HTR2C: variants seen among roughly 807,000 people sequenced by gnomAD.
HTR2C encodes 5-hydroxytryptamine (serotonin) receptor 2C, G protein-coupled.
A neutral mutation model predicts 21.0 loss-of-function variants in HTR2C; 5 were observed. That is an observed-to-expected ratio of 0.24 (90% CI 0.12 to 0.50). The LOEUF (loss-of-function observed/expected upper bound fraction) is 0.50, where lower values mean the gene tolerates loss of function less well. Ranked by LOEUF, HTR2C falls within the 20% of genes least tolerant of loss-of-function variation. The probability of loss-of-function intolerance (pLI) is 0.98; values close to 1 mark genes in which losing one functional copy is unlikely to be tolerated. For missense variants in HTR2C, 271 were observed against 371.2 expected (o/e 0.73, Z 2.22); for synonymous variants, 150 against 145.3 (o/e 1.03, Z -0.23).
intron 2 of HTR2C, among the ~76,000 whole-genome samples, chrX:114,659,842 G>C (rs1041360818): frequency 2.7e-5 from 3 of 111,295 alleles, no homozygotes; most frequent in Non-Finnish European, 5.7e-5. Context: ...TTGATCATTT[G>C]TTTATGATTA....
At chrX:114,641,055 T>C (rs1930094639) in intron 2 of HTR2C, among the ~76,000 whole-genome samples, 1 of 101,426 alleles carries the variant, frequency 9.9e-6, no homozygotes, top group African/African-American at 3.9e-5. Flanking sequence ...TTTCTTTCTT[T>C]TTTTCTTTTC....
chrX:114,654,924 G>C (rs1226953802), intron 2 of HTR2C, among the ~76,000 whole-genome samples: 1 of 109,271 alleles, frequency 9.2e-6, no homozygotes, highest in Non-Finnish European at 1.9e-5. Flanking sequence ...TAAACATTTA[G>C]TATCTAAGTG....
chrX:114,640,864 CTCTT>C lies in HTR2C; in HGVS notation c.-80+27001_-80+27004del, dbSNP rs782605191. Among the ~76,000 whole-genome samples the C allele has an allele frequency of 4.9e-3, 530 of 108,688 alleles. 1 individual carries two copies. Among genetic ancestry groups the C allele is most frequent in the Non-Finnish European group, 7.6e-3 (395 of 52,219 alleles). 94.4% of individuals were successfully genotyped at this position (108,688 alleles called of 115,157 possible). On this transcript the variant is annotated intron_variant, in intron 2 of 5. Transcript: ENST00000276198. ...TTGCGCTGTTTCTCCTTGTTTCGTT[CTCTT>C]TCTTTCTTTCTTTCTTTTCCTTCCT...
At chrX:114,701,904 G>C (rs1476694966) in intron 2 of HTR2C, among the ~76,000 whole-genome samples, 1 of 111,412 alleles carries the variant, frequency 9.0e-6, no homozygotes, top group South Asian at 3.7e-4. Flanking sequence ...CAAGAACTAC[G>C]TGAAGAATGC....
intron 2 of HTR2C, among the ~76,000 whole-genome samples, chrX:114,719,584 A>G (rs1339168275): frequency 9.0e-6 from 1 of 111,615 alleles, no homozygotes; most frequent in Non-Finnish European, 1.9e-5. Flanking sequence ...GTTCATGCAA[A>G]TTTTAACAGC....
In HTR2C at chrX:114,886,321, C is replaced by T. The variant is rs190540363; in HGVS notation, c.551-20268C>T. ...TCTTACTATCTCTTCATTTTGATTA[C>T]ATTTTTAGTCTAATCACATTTAATG... On this transcript the variant is annotated intron_variant, in intron 5 of 5. Transcript: ENST00000276198. Among the ~76,000 whole-genome samples the T allele has an allele frequency of 5.7e-4, 63 of 110,648 alleles. No individual in the cohort carries two copies. The East Asian group carries it at 0.016, about 29-fold the overall frequency.
chrX:114,672,446 C>A lies in HTR2C; in HGVS notation c.-79-54412C>A, dbSNP rs782661737. Reference sequence around the variant, plus strand: ...TAAAATCATATAAATATTTCAATATCACTCCTGGATTAAATAAAATCATAT... The same window carrying A: ...TAAAATCATATAAATATTTCAATATAACTCCTGGATTAAATAAAATCATAT... On this transcript the variant is annotated intron_variant, in intron 2 of 5. Coordinates refer to ENST00000276198, the MANE Select transcript of HTR2C (RefSeq NM_000868.4). Among the ~76,000 whole-genome samples the A allele has an allele frequency of 1.8e-3, 206 of 111,478 alleles. 1 individual carries two copies. The highest frequency in any genetic ancestry group is 3.2e-3 in the Non-Finnish European group (171 of 53,098).
chrX:114,656,417 C>T (rs1262009533), intron 2 of HTR2C, among the ~76,000 whole-genome samples: 2 of 111,055 alleles, frequency 1.8e-5, no homozygotes, highest in African/African-American at 6.5e-5. Context: ...AAGTTGGTTA[C>T]AAATGAATGA....
intron 4 of HTR2C, among the ~76,000 whole-genome samples, chrX:114,847,638 G>T (rs1223916919): frequency 9.1e-6 from 1 of 109,809 alleles, no homozygotes; most frequent in African/African-American, 3.3e-5. Flanking sequence ...CCAGGAGCTG[G>T]TTGATGGGAG....
intron 4 of HTR2C, among the ~76,000 whole-genome samples, chrX:114,760,519 T>G: frequency 9.0e-6 from 1 of 111,273 alleles, no homozygotes; most frequent in Non-Finnish European, 1.9e-5. Context: ...CCACATCTTT[T>G]ATTTTTTTCT....
intron 2 of HTR2C, among the ~76,000 whole-genome samples, chrX:114,684,746 T>A (rs1452369896): frequency 1.8e-5 from 2 of 111,600 alleles, no homozygotes; most frequent in Non-Finnish European, 3.8e-5. Flanking sequence ...AGAATGGTAG[T>A]GGGAGGATTG....
At chrX:114,765,590 G>A (rs1430048577) in intron 4 of HTR2C, among the ~76,000 whole-genome samples, 4 of 110,658 alleles carry the variant, frequency 3.6e-5, no homozygotes, top group African/African-American at 1.3e-4. Context: ...AACATACTAT[G>A]TTCCTGAAAA....
At chrX:114,613,663 A>G (rs1928836764) in intron 1 of HTR2C, among the ~76,000 whole-genome samples, 152 bp from the exon 2 acceptor site, 1 of 111,665 alleles carries the variant, frequency 9.0e-6, no homozygotes, top group Admixed American at 9.5e-5. Flanking sequence ...TTTTAAATTC[A>G]TTTTATATAA....
intron 1 of HTR2C, among the ~76,000 whole-genome samples, chrX:114,604,881 T>C (rs782266875): frequency 1.3e-3 from 142 of 111,325 alleles, no homozygotes; most frequent in African/African-American, 4.5e-3. Context: ...AGGCAAGGAA[T>C]TGCAACTTTT....
intron 2 of HTR2C, among the ~76,000 whole-genome samples, chrX:114,702,740 G>C (rs1377476788): frequency 9.4e-6 from 1 of 106,833 alleles, no homozygotes; most frequent in Non-Finnish European, 1.9e-5. Context: ...TGGACTAAAT[G>C]CTCCAATTAA....
chrX:114,649,172 A>T (rs782331107), intron 2 of HTR2C, among the ~76,000 whole-genome samples: 2 of 112,067 alleles, frequency 1.8e-5, no homozygotes, highest in Non-Finnish European at 3.8e-5. Context: ...TACTAAATCT[A>T]TAGTGTCTAA....
At chrX:114,899,784 A>T (rs782497843) in intron 5 of HTR2C, among the ~76,000 whole-genome samples, 5 of 107,664 alleles carry the variant, frequency 4.6e-5, no homozygotes, top group African/African-American at 1.8e-4. Flanking sequence ...CCTCTCTGTG[A>T]GTGCCGTGGA....
At chrX:114,823,082 G>T (rs1467387923) in intron 4 of HTR2C, among the ~76,000 whole-genome samples, 1 of 111,508 alleles carries the variant, frequency 9.0e-6, no homozygotes, top group African/African-American at 3.3e-5. Context: ...CTACTGTCAT[G>T]TAAGAAGTCT....
intron 2 of HTR2C, among the ~76,000 whole-genome samples, chrX:114,647,093 G>A (rs1930390534): frequency 9.0e-6 from 1 of 111,175 alleles, no homozygotes; most frequent in Non-Finnish European, 1.9e-5. Flanking sequence ...GAAGGTGAAC[G>A]GGGAAAGAAC....
Sources: allele counts gnomAD v4.1 joint callset (sites outside exome capture counted in the v4.1 genomes callset), GRCh38; gene constraint gnomAD v4.1.1; transcripts MANE v1.5; gene names NCBI Gene and HGNC (gene_info 2026-07-23, HGNC 2026-07-21).